The following ABI1 variants were observed in gnomAD, a reference collection of about 807,000 sequenced individuals.
The protein encoded by ABI1 is Abelson interactor 1.
Under a neutral mutation model 54.6 loss-of-function variants are expected in ABI1, and 14 were observed. The ratio of observed to expected loss-of-function variants is 0.26; its 90% confidence interval spans 0.17 to 0.40. ABI1 has a LOEUF of 0.40. ABI1 is among the 10% of genes least tolerant of loss of function. ABI1 has a pLI of 1.00. For synonymous variants in ABI1, 194 were observed against 209.3 expected, an observed-to-expected ratio of 0.93 and a Z score of 0.63; for missense variants, 443 against 598.3, an observed-to-expected ratio of 0.74 and a Z score of 2.71.
chr10:26,831,383 A>C (rs2048661983), intron 1 of ABI1, among the ~76,000 whole-genome samples: 1 of 152,070 alleles, frequency 6.6e-6, no homozygotes, highest in Non-Finnish European at 1.5e-5. Flanking sequence ...TCTCTACTAA[A>C]AATACAAAAA....
chr10:26,813,110 G>A (rs2047341223), intron 2 of ABI1, among the ~76,000 whole-genome samples: 1 of 152,042 alleles, frequency 6.6e-6, no homozygotes, highest in South Asian at 2.1e-4. Flanking sequence ...TGACCTAGGT[G>A]TGGTGGTGCA....
intron 2 of ABI1, among the ~76,000 whole-genome samples, chr10:26,801,472 G>A (rs540654674): frequency 3.3e-5 from 5 of 151,836 alleles, no homozygotes; most frequent in Non-Finnish European, 5.9e-5. Flanking sequence ...ACTTGAGCCC[G>A]GGACGCAGAG....
chr10:26,760,762 T>C (rs1347256171), intron 7 of ABI1, among the ~76,000 whole-genome samples: 1 of 151,836 alleles, frequency 6.6e-6, no homozygotes. Context: ...TGGAGGCATA[T>C]GCCTGTAATC....
At chr10:26,796,811 A>T (rs1266740073) in intron 2 of ABI1, among the ~76,000 whole-genome samples, 2 of 152,124 alleles carry the variant, frequency 1.3e-5, no homozygotes, top group African/African-American at 2.4e-5. Flanking sequence ...TTTTCCACGC[A>T]CTGGGGAGAC....
intron 2 of ABI1, among the ~76,000 whole-genome samples, chr10:26,785,508 G>C (rs1842634188): frequency 6.6e-6 from 1 of 152,068 alleles, no homozygotes; most frequent in Non-Finnish European, 1.5e-5. Context: ...GATCACCTGA[G>C]GTCAGGAGTT....
chr10:26,797,454 T>C (rs1012006957), intron 2 of ABI1, among the ~76,000 whole-genome samples: 5 of 152,234 alleles, frequency 3.3e-5, no homozygotes, highest in Non-Finnish European at 7.3e-5. Flanking sequence ...TTAGGTAGTA[T>C]GTGACTGGTT....
At chr10:26,755,792 A>G (rs1296887090) in intron 8 of ABI1, 51 bp from the exon 9 acceptor site, 6 of 1,324,868 alleles carry the variant, frequency 4.5e-6, no homozygotes, top group Non-Finnish European at 6.4e-6. Flanking sequence ...AAGGAAAGAA[A>G]AGGAAACAAA....
intron 1 of ABI1, chr10:26,839,864 C>T: frequency 1.5e-6 from 1 of 673,820 alleles, no homozygotes; most frequent in South Asian, 1.6e-5. Flanking sequence ...GTAGCACGTG[C>T]CTGTAGTCCC....
chr10:26,837,481 G>A (rs548828774), intron 1 of ABI1, among the ~76,000 whole-genome samples: 45 of 152,190 alleles, frequency 3.0e-4, no homozygotes, highest in Non-Finnish European at 4.6e-4. Flanking sequence ...CATAAGGATG[G>A]CAGGGGGACA....
chr10:26,774,991 T>C (rs1231211905), intron 3 of ABI1, among the ~76,000 whole-genome samples: 1 of 152,030 alleles, frequency 6.6e-6, no homozygotes, highest in African/African-American at 2.4e-5. Flanking sequence ...AACTTCTAAA[T>C]AGAAAAGTGG....
intron 8 of ABI1, among the ~76,000 whole-genome samples, chr10:26,758,772 T>C (rs1838707683): frequency 6.6e-6 from 1 of 152,246 alleles, no homozygotes; most frequent in East Asian, 1.9e-4. Context: ...TCTCTAGTTC[T>C]ACTTATGTAA....
At chr10:26,830,731 C>A (rs1460605733) in intron 1 of ABI1, among the ~76,000 whole-genome samples, 1 of 151,968 alleles carries the variant, frequency 6.6e-6, no homozygotes, top group Non-Finnish European at 1.5e-5. Context: ...TGCTCCACAT[C>A]CTTGCCAACA....
At chr10:26,821,423 T>C (rs1157974310) in intron 2 of ABI1, among the ~76,000 whole-genome samples, 1 of 151,970 alleles carries the variant, frequency 6.6e-6, no homozygotes, top group East Asian at 1.9e-4. Context: ...AATGATTAGT[T>C]TAAAAAAGAA....
intron 2 of ABI1, among the ~76,000 whole-genome samples, chr10:26,792,084 A>G (rs553260122): frequency 1.3e-5 from 2 of 152,336 alleles, no homozygotes; most frequent in South Asian, 4.1e-4. Context: ...AGTGATACAC[A>G]TACATGCGAT....
In ABI1 at chr10:26,828,983, T is replaced by C. The variant is rs576628880; in HGVS notation, c.118-5678A>G. On this transcript the variant is annotated intron_variant, in intron 1 of 10. Coordinates refer to ENST00000376140, the MANE Select transcript of ABI1 (RefSeq NM_001012750.3). ...GGCTCACGCCTGTAATCCCAGCACT[T>C]TGGGAGGCCAAGGCGGGCGGATCAC... is the stretch of plus-strand genomic sequence containing the variant. 1.3e-4 allele frequency among the ~76,000 whole-genome samples: 20 copies of C among 152,244 alleles called. 1 individual carries two copies. The highest frequency in any genetic ancestry group is 4.8e-4 in the African/African-American group (20 of 41,532).
chr10:26,828,406 A>C (rs1003703087), intron 1 of ABI1, among the ~76,000 whole-genome samples: 3 of 152,246 alleles, frequency 2.0e-5, no homozygotes, highest in African/African-American at 7.2e-5. Context: ...GCCCTTAGAA[A>C]AACGGCACCA....
chr10:26,814,916 T>G (rs2047463147), intron 2 of ABI1, among the ~76,000 whole-genome samples: 1 of 152,124 alleles, frequency 6.6e-6, no homozygotes, highest in South Asian at 2.1e-4. Flanking sequence ...GTTTAAAAAT[T>G]TTTTGAAACT....
intron 1 of ABI1, among the ~76,000 whole-genome samples, chr10:26,846,839 C>T (rs969151813): frequency 6.6e-6 from 1 of 152,134 alleles, no homozygotes; most frequent in Non-Finnish European, 1.5e-5. Context: ...TCCACAGAGA[C>T]ACTGTTTTCC....
chr10:26,821,282 T>A (rs1244221465), intron 2 of ABI1, among the ~76,000 whole-genome samples: 3 of 136,170 alleles, frequency 2.2e-5, no homozygotes, highest in Non-Finnish European at 3.2e-5. Flanking sequence ...AGCAAATCAA[T>A]CCCAAGGTAA....
Sources: gnomAD v4.1 joint callset for allele counts (sites outside exome capture counted in the v4.1 genomes callset) on GRCh38, gnomAD v4.1.1 for gene constraint, MANE v1.5 for transcripts, NCBI Gene and HGNC (gene_info 2026-07-23, HGNC 2026-07-21) for gene names.